The following MIA2 variants were observed in gnomAD, a reference collection of about 807,000 sequenced individuals.
The protein encoded by MIA2 is MIA SH3 domain ER export factor 2.
In MIA2, 127 loss-of-function variants were observed where a neutral mutation model predicts 167.8. That is an observed-to-expected ratio of 0.76 (90% CI 0.66 to 0.88). MIA2 has a LOEUF of 0.88. Among genes scored for constraint, MIA2 ranks in the 40% least tolerant of loss-of-function variants. MIA2 has a pLI of 0.00. For missense variants in MIA2, 1,690 were observed against 1,624.7 expected, an observed-to-expected ratio of 1.04 and a Z score of -0.69; for synonymous variants, 552 against 541.9, an observed-to-expected ratio of 1.02 and a Z score of -0.26.
chr14:39,267,377 C>T (rs1030338545), intron 6 of MIA2: 7 of 1,598,960 alleles, frequency 4.4e-6, no homozygotes, highest in African/African-American at 1.3e-5. Context: ...GGTTCCGGAC[C>T]GAAGGCTGTG....
chr14:39,278,692 T>C (rs2058506016), intron 7 of MIA2, among the ~76,000 whole-genome samples: 1 of 152,232 alleles, frequency 6.6e-6, no homozygotes, highest in Non-Finnish European at 1.5e-5. Flanking sequence ...TTATTTTGGA[T>C]ATTGGCATCA....
chr14:39,251,631 C>T (rs1037181119), intron 4 of MIA2, among the ~76,000 whole-genome samples: 4 of 151,958 alleles, frequency 2.6e-5, no homozygotes, highest in African/African-American at 9.7e-5. Context: ...CTACTTGAGT[C>T]CTGTATGTAC....
intron 23 of MIA2, among the ~76,000 whole-genome samples, chr14:39,356,907 G>A (rs2074542959): frequency 6.6e-6 from 1 of 152,202 alleles, no homozygotes; most frequent in Non-Finnish European, 1.5e-5. Flanking sequence ...TTGCACTGTG[G>A]TCTGAGAGAA....
At position 39,263,633 on chromosome 14, in the gene MIA2, C is replaced by CTTTT. The variant is rs35948974; in HGVS notation, c.1887+10473_1887+10476dup. On this transcript the variant is annotated intron_variant, in intron 6 of 28. Transcript: ENST00000640607. ...TTCCTTCCTTCCTCTCTCTCTCTCT[C>CTTTT]TTTTTTTTTTTTTTCTGAGACAGAG... 5.0e-4 allele frequency among the ~76,000 whole-genome samples: 66 copies of CTTTT among 130,898 alleles called. 3 individuals are homozygous for CTTTT. The highest frequency in any genetic ancestry group is 2.5e-3 in the East Asian group (11 of 4,470). The allele number at this position is 130,898 out of a possible 152,430, so 85.9% of individuals were successfully genotyped here.
chr14:39,302,920 G>T (rs894871218), intron 15 of MIA2, among the ~76,000 whole-genome samples: 1 of 151,934 alleles, frequency 6.6e-6, no homozygotes, highest in African/African-American at 2.4e-5. Flanking sequence ...TCATTTTTCT[G>T]TTCTCTTCCC....
At chr14:39,265,932 A>G in intron 6 of MIA2, 1 of 981,666 alleles carries the variant, frequency 1.0e-6, no homozygotes, top group South Asian at 4.7e-5. Flanking sequence ...CTACTCTGAT[A>G]TTAGCATTTC....
chr14:39,236,938 C>G lies in MIA2; in HGVS notation c.132C>G (p.Val44=), dbSNP rs1447236824. The G allele has an allele frequency of 6.2e-7, 1 of 1,611,086 alleles. No individual in the cohort carries two copies. Among genetic ancestry groups the G allele is most frequent in the African/African-American group, 1.3e-5 (1 of 74,744 alleles). ...TTTACATAGCTTTAATAAACAGAGTCTCAGCCATGAGAGATTATAGAGGAC... is the reference window on the plus strand; with the variant it reads ...TTTACATAGCTTTAATAAACAGAGTGTCAGCCATGAGAGATTATAGAGGAC... ...DLECEALINR[V]SAMRDYRGPD... Residue 44 remains valine, a synonymous_variant, in exon 2 of 29, where the codon GTC becomes GTG. Transcript: ENST00000640607.
Position 39,272,081 on chromosome 14 carries a change from C to T in MIA2, c.1888-4853C>T, listed in dbSNP as rs534814728. ...AGACAACTAATTAGGAGGCCGGGTGCGGTGGCTCATGCCTGTAATCCCAGC... is the reference window on the plus strand; with the variant it reads ...AGACAACTAATTAGGAGGCCGGGTGTGGTGGCTCATGCCTGTAATCCCAGC... On this transcript the variant is annotated intron_variant, in intron 6 of 28. Transcript: ENST00000640607. Among the ~76,000 whole-genome samples, 54 of 152,100 alleles carry T rather than the reference C, an allele frequency of 3.6e-4. 1 individual carries two copies. The highest frequency in any genetic ancestry group is 2.0e-4 in the Admixed American group (3 of 15,274).
intron 17 of MIA2, 29 bp from the exon 18 acceptor site, chr14:39,308,420 T>C (rs748644705): frequency 7.3e-7 from 1 of 1,375,472 alleles, no homozygotes; most frequent in South Asian, 1.5e-5. Context: ...ATGTTTCTCC[T>C]TTAATTATGA....
intron 9 of MIA2, among the ~76,000 whole-genome samples, chr14:39,285,509 C>A (rs548131995): frequency 6.8e-6 from 1 of 146,948 alleles, no homozygotes; most frequent in East Asian, 2.1e-4. Flanking sequence ...GGGCGGCTGG[C>A]CGGGCGGGGG....
chr14:39,347,821 T>A (rs776324412), intron 27 of MIA2, 50 bp downstream of exon 27: 23 of 1,023,300 alleles, frequency 2.2e-5, no homozygotes, highest in East Asian at 3.1e-5. Context: ...AAGCCTTCTT[T>A]TTTTTTTTTT....
intron 9 of MIA2, among the ~76,000 whole-genome samples, chr14:39,284,841 C>T (rs1391841128): frequency 3.3e-5 from 5 of 151,180 alleles, no homozygotes; most frequent in Admixed American, 6.6e-5. Flanking sequence ...GAGGGAAGGT[C>T]AGCAGATAAA....
intron 3 of MIA2, among the ~76,000 whole-genome samples, chr14:39,243,286 G>A (rs958654850): frequency 6.6e-6 from 1 of 152,084 alleles, no homozygotes; most frequent in Non-Finnish European, 1.5e-5. Context: ...GAGGCAAGAC[G>A]ATTTGGGCCT....
chr14:39,317,414 A>G (rs1321757943), intron 21 of MIA2, among the ~76,000 whole-genome samples: 1 of 152,092 alleles, frequency 6.6e-6, no homozygotes, highest in Non-Finnish European at 1.5e-5. Context: ...TTTTTAGGGA[A>G]AAAGTGTTCA....
chr14:39,338,877 G>A (rs190968983), intron 25 of MIA2, among the ~76,000 whole-genome samples: 12 of 152,182 alleles, frequency 7.9e-5, no homozygotes, highest in Non-Finnish European at 1.6e-4. Flanking sequence ...AGTTGTATGT[G>A]TTGGCTTGTT....
rs1279003304 is a variant in MIA2, at chr14:39,345,949, G to C, written c.3701G>C (p.Arg1234Thr). 6.2e-7 allele frequency: 1 copy of C among 1,612,382 alleles called. No individual in the cohort carries two copies. The highest frequency in any genetic ancestry group is 8.5e-7 in the Non-Finnish European group (1 of 1,179,132). The change falls in exon 26 of 29, where the codon AGA (arginine) becomes ACA (threonine). Residue 1234 changes from arginine (R) to threonine (T), a missense_variant. Physicochemically the swap from Arg to Thr is moderately conservative, Grantham distance 71 (BLOSUM62 -1). Transcript: ENST00000640607. ...GCCCTTCCTCCACAAAGGCAAGACAGATTTTGTTCTAATTCTGGTAGACTG... is the reference window on the plus strand; with the variant it reads ...GCCCTTCCTCCACAAAGGCAAGACACATTTTGTTCTAATTCTGGTAGACTG... The part of the protein sequence containing the change: ...DSALPPQRQD[R>T]FCSNSGRLSG...
rs1398329816 is a variant in MIA2, at chr14:39,305,643, T to C, written c.2878+1262T>C. 2.6e-5 allele frequency among the ~76,000 whole-genome samples: 4 copies of C among 152,120 alleles called. No individual in the cohort carries two copies. In the East Asian group the frequency reaches 7.7e-4, roughly 29 times the overall value. ...GTTACAATTTGAAACACAGTAGAAG[T>C]ACAAAAATATGGCCAGGCGCGGCGG... On this transcript the variant is annotated intron_variant, in intron 17 of 28. Coordinates refer to ENST00000640607, the MANE Select transcript of MIA2 (RefSeq NM_001329214.4).
In MIA2 at chr14:39,276,829, C is replaced by T. The variant is rs545307578; in HGVS notation, c.1888-105C>T. ...CTGATACTTTCTGTTTGGTGTTAGTCTGGCAGCCCATTTTGTGTTGACCAC... is the reference window on the plus strand; with the variant it reads ...CTGATACTTTCTGTTTGGTGTTAGTTTGGCAGCCCATTTTGTGTTGACCAC... On this transcript the variant is annotated intron_variant, in intron 6 of 28. Coordinates refer to ENST00000640607, the MANE Select transcript of MIA2 (RefSeq NM_001329214.4). 1.3e-5 allele frequency: 16 copies of T among 1,233,376 alleles called. No homozygotes were observed. In the African/African-American group the frequency reaches 2.0e-4, roughly 15 times the overall value. The allele number at this position is 1,233,376 out of a possible 1,614,324, so 76.4% of individuals were successfully genotyped here.
At chr14:39,372,312 A>G (rs2074964890) in intron 23 of MIA2, among the ~76,000 whole-genome samples, 1 of 152,184 alleles carries the variant, frequency 6.6e-6, no homozygotes, top group Non-Finnish European at 1.5e-5. Context: ...TAAAAAAAAA[A>G]GTTGATGCAG....
Sources: gnomAD v4.1 joint callset for allele counts (sites outside exome capture counted in the v4.1 genomes callset) on GRCh38, gnomAD v4.1.1 for gene constraint, MANE v1.5 for transcripts, NCBI Gene and HGNC (gene_info 2026-07-23, HGNC 2026-07-21) for gene names.